The following ZBBX variants were observed in gnomAD, a reference collection of about 807,000 sequenced individuals.
ZBBX encodes the protein zinc finger B-box domain containing.
Under a neutral mutation model 108.5 loss-of-function variants are expected in ZBBX, and 101 were observed. The observed-to-expected ratio is 0.93, with a 90% CI of 0.79 to 1.10. The LOEUF is 1.10. Among genes scored for constraint, ZBBX ranks in the 50% least tolerant of loss-of-function variants. ZBBX has a pLI of 0.00. For synonymous variants in ZBBX, 356 were observed against 323.4 expected (o/e 1.10, Z -1.08); for missense variants, 1,009 against 941.4 (o/e 1.07, Z -0.94).
chr3:167,364,389 G>A (rs1210593048), intron 6 of ZBBX, among the ~76,000 whole-genome samples: 2 of 151,854 alleles, frequency 1.3e-5, no homozygotes, highest in East Asian at 1.9e-4. Flanking sequence ...TTCCAAAAAT[G>A]TTCTCCTTTA....
At chr3:167,231,509 G>C in the ZBBX span, among the ~76,000 whole-genome samples, 8 of 151,814 alleles carry the variant, frequency 5.3e-5, no homozygotes, top group African/African-American at 1.9e-4. Context: ...CAAACAGTGG[G>C]AACAAGAGCC....
chr3:167,275,921 G>T (rs1727481781), intron 20 of ZBBX, among the ~76,000 whole-genome samples: 1 of 152,220 alleles, frequency 6.6e-6, no homozygotes, highest in African/African-American at 2.4e-5. Context: ...CCAGCACACA[G>T]CTGGAGATCT....
chr3:167,331,709 G>A (rs565047924), intron 10 of ZBBX: 11 of 710,838 alleles, frequency 1.5e-5, no homozygotes, highest in Admixed American at 6.3e-5. Context: ...ATTTGAAGAC[G>A]CACATAGAAA....
intron 1 of ZBBX, among the ~76,000 whole-genome samples, chr3:167,400,146 A>G (rs1217596078): frequency 2.6e-5 from 4 of 152,116 alleles, no homozygotes; most frequent in Admixed American, 2.0e-4. Context: ...TTTTATTGTG[A>G]ATAATGCTGC....
chr3:167,317,562 T>C lies in ZBBX; in HGVS notation c.1019A>G (p.Asp340Gly). 3 of 1,610,662 alleles carry C rather than the reference T, an allele frequency of 1.9e-6. No homozygotes were observed. The highest frequency in any genetic ancestry group is 1.7e-6 in the Non-Finnish European group (2 of 1,178,206). Residue 340 changes from aspartate (D) to glycine (G), a missense_variant, in exon 13 of 22, where the codon GAT becomes GGT. Coordinates refer to ENST00000675490, the MANE Select transcript of ZBBX (RefSeq NM_001199201.2). ...PQEQLFKMLP[D>G]TFPHPHETTG... is the part of the protein sequence containing the mutation. ...GGTTTCATGTGGATGTGGGAACGTATCTGGTAGCATTTTAAAAAGTTGCTC... is the reference window on the plus strand; with the variant it reads ...GGTTTCATGTGGATGTGGGAACGTACCTGGTAGCATTTTAAAAAGTTGCTC...
rs138637754 is a variant in ZBBX at position 167,339,876 on chromosome 3, G to A, written c.529-5891C>T. Among the ~76,000 whole-genome samples, 13 of 152,056 alleles carry A rather than the reference G, an allele frequency of 8.5e-5. No individual in the cohort carries two copies. In the East Asian group the frequency reaches 2.5e-3, roughly 29 times the overall value. On this transcript the variant is annotated intron_variant, in intron 9 of 21. Transcript: ENST00000675490. ...GTTGTTTCATTCCCTGTGTCCATGT[G>A]TTCTCATTGTTCAACTCCCACTTAT...
the ZBBX span, among the ~76,000 whole-genome samples, chr3:167,204,307 T>C: frequency 6.8e-6 from 1 of 148,032 alleles, no homozygotes; most frequent in Non-Finnish European, 1.5e-5. Context: ...TAGTTACATA[T>C]GTATACATGT....
chr3:167,275,068 G>A (rs1411381434), intron 20 of ZBBX, among the ~76,000 whole-genome samples: 1 of 152,156 alleles, frequency 6.6e-6, no homozygotes, highest in Non-Finnish European at 1.5e-5. Flanking sequence ...TATCTGAAAT[G>A]TACAATTAAT....
chr3:167,232,930 A>G, the ZBBX span, among the ~76,000 whole-genome samples: 1 of 151,654 alleles, frequency 6.6e-6, no homozygotes, highest in African/African-American at 2.4e-5. Flanking sequence ...GTTACCATAG[A>G]GCCAGAGTGG....
chr3:167,189,059 A>C, the ZBBX span, among the ~76,000 whole-genome samples: 6 of 152,178 alleles, frequency 3.9e-5, no homozygotes, highest in Non-Finnish European at 5.9e-5. Context: ...GAAAATTCCT[A>C]CAATTTGGGA....
intron 5 of ZBBX, among the ~76,000 whole-genome samples, chr3:167,368,109 T>C (rs898621004): frequency 1.3e-5 from 2 of 151,210 alleles, no homozygotes; most frequent in African/African-American, 4.8e-5. Context: ...GGTGTTTATT[T>C]GTTATTGATG....
At chr3:167,275,263 C>T (rs56829253) in intron 20 of ZBBX, among the ~76,000 whole-genome samples, 2,629 of 152,110 alleles carry the variant, frequency 0.017, 73 homozygotes, top group African/African-American at 0.06. Flanking sequence ...AAATGATTCT[C>T]ACTTGGGAGG....
intron 19 of ZBBX, among the ~76,000 whole-genome samples, chr3:167,288,021 C>A (rs946794704): frequency 3.3e-5 from 5 of 152,116 alleles, no homozygotes; most frequent in African/African-American, 1.2e-4. Context: ...AGCCCCCTTT[C>A]TCAGGTATTC....
At chr3:167,191,012 A>G in the ZBBX span, among the ~76,000 whole-genome samples, 2 of 152,210 alleles carry the variant, frequency 1.3e-5, no homozygotes, top group Non-Finnish European at 2.9e-5. Context: ...CAAGGGGAAT[A>G]TAGACCCTGC....
chr3:167,380,191 T>TA (rs1336835014), intron 1 of ZBBX, 56 bp downstream of exon 1: 2 of 152,434 alleles, frequency 1.3e-5, no homozygotes, highest in African/African-American at 4.8e-5. Context: ...TGCTGCCCGC[T>TA]AGGCGGACTC....
At chr3:167,229,670 A>T in the ZBBX span, among the ~76,000 whole-genome samples, 1 of 151,740 alleles carries the variant, frequency 6.6e-6, no homozygotes, top group Non-Finnish European at 1.5e-5. Context: ...CCATCAACAA[A>T]ATTACATCTT....
chr3:167,248,162 C>T (rs566737290), intron 20 of ZBBX, among the ~76,000 whole-genome samples: 4 of 152,298 alleles, frequency 2.6e-5, no homozygotes, highest in South Asian at 4.1e-4. Flanking sequence ...ACCCTTTCCC[C>T]TCCCAGCTTG....
intron 1 of ZBBX, among the ~76,000 whole-genome samples, chr3:167,391,527 T>C (rs950528559): frequency 2.0e-5 from 3 of 152,078 alleles, no homozygotes; most frequent in African/African-American, 7.2e-5. Context: ...AGCCCCTCTT[T>C]TTCTATTGTT....
intron 20 of ZBBX, among the ~76,000 whole-genome samples, chr3:167,251,062 G>A (rs1373047313): frequency 6.6e-6 from 1 of 152,190 alleles, no homozygotes; most frequent in African/African-American, 2.4e-5. Context: ...CAGCACACCA[G>A]CAGACCACTG....
Sources: gnomAD v4.1 joint callset for allele counts (sites outside exome capture counted in the v4.1 genomes callset) on GRCh38, gnomAD v4.1.1 for gene constraint, MANE v1.5 for transcripts, NCBI Gene and HGNC (gene_info 2026-07-23, HGNC 2026-07-21) for gene names.